The following RAI14 variants were observed in gnomAD, a reference collection of about 807,000 sequenced individuals.
The protein encoded by RAI14 is ankycorbin.
A neutral mutation model predicts 115.4 loss-of-function variants in RAI14; 45 were observed. The ratio of observed to expected loss-of-function variants is 0.39; its 90% CI spans 0.31 to 0.50. The LOEUF (loss-of-function observed/expected upper bound fraction) is 0.50. RAI14 is among the 20% of genes least tolerant of loss of function. The pLI, the probability that RAI14 is intolerant of heterozygous loss-of-function variation, is 0.85. For synonymous variants in RAI14, 371 were observed against 415.4 expected, an observed-to-expected ratio of 0.89 and a Z score of 1.30; for missense variants, 939 against 1,131.2, an observed-to-expected ratio of 0.83 and a Z score of 2.44.
At chr5:34,737,520 A>T (rs1745013374) in intron 2 of RAI14, among the ~76,000 whole-genome samples, 1 of 152,008 alleles carries the variant, frequency 6.6e-6, no homozygotes, top group South Asian at 2.1e-4. Flanking sequence ...GCACTCTGGG[A>T]GGCCAAGATG....
chr5:34,714,053 C>T (rs987131503), intron 2 of RAI14, among the ~76,000 whole-genome samples: 3 of 151,272 alleles, frequency 2.0e-5, no homozygotes, highest in Admixed American at 6.6e-5. Context: ...CTGCCCGCCT[C>T]GGCCTCCCAA....
chr5:34,732,486 T>G (rs1744323901), intron 2 of RAI14, among the ~76,000 whole-genome samples: 1 of 148,854 alleles, frequency 6.7e-6, no homozygotes, highest in Admixed American at 6.7e-5. Flanking sequence ...TCACTCAGGC[T>G]AGAGTACAGT....
At chr5:34,826,715 GAC>G (rs1757490660) in intron 16 of RAI14, among the ~76,000 whole-genome samples, 1 of 152,044 alleles carries the variant, frequency 6.6e-6, no homozygotes, top group Admixed American at 6.5e-5. Context: ...GGAAAGAACC[GAC>G]AGGACAGTAG....
chr5:34,701,415 G>C (rs1265912731), intron 2 of RAI14, among the ~76,000 whole-genome samples: 1 of 152,158 alleles, frequency 6.6e-6, no homozygotes, highest in African/African-American at 2.4e-5. Flanking sequence ...ATTAAGATCT[G>C]AATAGGAAAC....
intron 1 of RAI14, among the ~76,000 whole-genome samples, chr5:34,657,607 A>T (rs1316204413): frequency 6.6e-6 from 1 of 152,212 alleles, no homozygotes; most frequent in Non-Finnish European, 1.5e-5. Context: ...GCCGCAGCTC[A>T]CGCATGATCG....
intron 3 of RAI14, among the ~76,000 whole-genome samples, chr5:34,789,250 G>A (rs1752656341): frequency 6.6e-6 from 1 of 152,190 alleles, no homozygotes; most frequent in African/African-American, 2.4e-5. Context: ...ATCAGTCACT[G>A]CATACATAAG....
At chr5:34,799,684 C>CT (rs1754015236) in intron 4 of RAI14, among the ~76,000 whole-genome samples, 2 of 97,860 alleles carry the variant, frequency 2.0e-5, no homozygotes, top group African/African-American at 3.6e-5. Context: ...AATCTGTTAG[C>CT]ATTTTTTTTT....
At chr5:34,680,436 A>G (rs575577982) in intron 1 of RAI14, among the ~76,000 whole-genome samples, 1 of 152,312 alleles carries the variant, frequency 6.6e-6, no homozygotes, top group South Asian at 2.1e-4. Context: ...GGCAAGAACT[A>G]ATTCACTCCC....
At chr5:34,776,685 T>C (rs752911438) in intron 3 of RAI14, among the ~76,000 whole-genome samples, 1 of 151,940 alleles carries the variant, frequency 6.6e-6, no homozygotes, top group Non-Finnish European at 1.5e-5. Flanking sequence ...TGTGTATCTG[T>C]AGTTGCAACT....
intron 2 of RAI14, among the ~76,000 whole-genome samples, chr5:34,739,118 T>A (rs1745194458): frequency 6.6e-6 from 1 of 152,230 alleles, no homozygotes; most frequent in African/African-American, 2.4e-5. Context: ...GGAGTGGAAT[T>A]TCCCATGGGT....
At chr5:34,786,016 G>A (rs538206846) in intron 3 of RAI14, among the ~76,000 whole-genome samples, 2 of 152,196 alleles carry the variant, frequency 1.3e-5, no homozygotes, top group East Asian at 3.9e-4. Flanking sequence ...CAGGGTTCCC[G>A]AGGCAGAAGG....
intron 3 of RAI14, among the ~76,000 whole-genome samples, chr5:34,759,557 T>C (rs916627260): frequency 2.0e-5 from 3 of 152,144 alleles, no homozygotes; most frequent in African/African-American, 4.8e-5. Flanking sequence ...GAGCTCCTTA[T>C]GAGAATCTAA....
intron 1 of RAI14, among the ~76,000 whole-genome samples, chr5:34,671,380 A>C (rs1253483484): frequency 1.3e-5 from 2 of 152,166 alleles, no homozygotes; most frequent in African/African-American, 4.8e-5. Flanking sequence ...GAATCTTTTA[A>C]ATTACTACTT....
intron 2 of RAI14, among the ~76,000 whole-genome samples, chr5:34,756,370 A>G (rs72730577): frequency 0.084 from 12,808 of 152,236 alleles, 705 homozygotes; most frequent in Non-Finnish European, 0.12. Context: ...CTGGAGGTTC[A>G]TCCCTTCAGA....
intron 1 of RAI14, among the ~76,000 whole-genome samples, chr5:34,670,838 G>C (rs1307244364): frequency 1.3e-5 from 2 of 152,176 alleles, no homozygotes; most frequent in African/African-American, 4.8e-5. Context: ...TCTCACCAGA[G>C]AACTTGTGTT....
intron 7 of RAI14, among the ~76,000 whole-genome samples, chr5:34,810,381 T>C (rs1755436681): frequency 6.6e-6 from 1 of 152,236 alleles, no homozygotes; most frequent in Non-Finnish European, 1.5e-5. Context: ...CCACCTGACA[T>C]AGTTTGTATA....
chr5:34,773,662 C>T (rs1381773164), intron 3 of RAI14, among the ~76,000 whole-genome samples: 3 of 152,038 alleles, frequency 2.0e-5, no homozygotes, highest in Non-Finnish European at 4.4e-5. Context: ...AAATACTCAA[C>T]ATCACTAAGC....
chr5:34,812,665 C>CGA (rs1554010177), intron 10 of RAI14, among the ~76,000 whole-genome samples: 1 of 146,022 alleles, frequency 6.8e-6, no homozygotes, highest in Non-Finnish European at 1.5e-5. Context: ...AACTCCGTCT[C>CGA]AAAAAAAAAA....
At chr5:34,776,803 T>TCAAAAAAAAAACAACAA (rs1279080501) in intron 3 of RAI14, among the ~76,000 whole-genome samples, 1 of 144,870 alleles carries the variant, frequency 6.9e-6, no homozygotes, top group Non-Finnish European at 1.5e-5. Flanking sequence ...TGAGACCCTT[T>TCAAAAAAAAAACAACAA]ATTAAAAAAA....
Sources: allele counts gnomAD v4.1 joint callset (sites outside exome capture counted in the v4.1 genomes callset), GRCh38; gene constraint gnomAD v4.1.1; transcripts MANE v1.5; gene names NCBI Gene and HGNC (gene_info 2026-07-23, HGNC 2026-07-21).